Variants in GHR observed in about 807,000 individuals in gnomAD.
The protein encoded by GHR is growth hormone receptor.
A neutral mutation model predicts 67.1 loss-of-function variants in GHR; 35 were observed. That is an observed-to-expected ratio of 0.52 (90% CI 0.40 to 0.69). The LOEUF is 0.69. GHR is among the 30% of genes least tolerant of loss of function. GHR has a pLI of 0.00. For synonymous variants in GHR, 272 were observed against 269.1 expected, an observed-to-expected ratio of 1.01 and a Z score of -0.10; for missense variants, 792 against 764.6, an observed-to-expected ratio of 1.04 and a Z score of -0.42.
chr5:42,718,810 C>T lies in GHR; in HGVS notation c.1303C>T (p.Pro435Ser). Residue 435 changes from proline to serine, a missense_variant, in exon 10 of 10, where the codon CCT (proline) becomes TCT (serine). Coordinates refer to ENST00000230882, the MANE Select transcript of GHR (RefSeq NM_000163.5). ...CLDQKNQNNS[P>S]YHDACPATQQ... Reference sequence around the variant, plus strand: ...TGACCAGAAGAATCAAAATAACTCACCTTATCATGATGCTTGCCCTGCTAC... The same window carrying T: ...TGACCAGAAGAATCAAAATAACTCATCTTATCATGATGCTTGCCCTGCTAC... 1 of 1,614,090 alleles carries T rather than the reference C, an allele frequency of 6.2e-7. No homozygotes were observed. The highest frequency in any genetic ancestry group is 1.6e-4 in the Middle Eastern group (1 of 6,062).
rs369488203 is a variant in GHR, at chr5:42,441,596, GCCT to G, written c.-12+17645_-12+17647del. Among the ~76,000 whole-genome samples the G allele has an allele frequency of 7.2e-5, 11 of 151,804 alleles. No individual in the cohort carries two copies. The South Asian group carries it at 2.3e-3, about 32-fold the overall frequency. Reference sequence around the variant, plus strand: ...ACGATCTTGGCTCACTGCAAGCTCCGCCTCCTGGGTTCACGCCATTCTCCTGCC... The same window carrying G: ...ACGATCTTGGCTCACTGCAAGCTCCGCCTGGGTTCACGCCATTCTCCTGCC... On this transcript the variant is annotated intron_variant, in intron 1 of 9. Coordinates refer to ENST00000230882, the MANE Select transcript of GHR (RefSeq NM_000163.5).
At chr5:42,638,445 A>G (rs573209002) in intron 3 of GHR, among the ~76,000 whole-genome samples, 3 of 152,282 alleles carry the variant, frequency 2.0e-5, no homozygotes, top group Admixed American at 1.3e-4. Context: ...TCATTGTGTA[A>G]ACATGAAGTG....
chr5:42,591,705 G>A lies in GHR; in HGVS notation c.70+25761G>A, dbSNP rs557036921. On this transcript the variant is annotated intron_variant, in intron 2 of 9. Transcript: ENST00000230882. ...ACTTGTCCACTGTCCTTGCTACCAG[G>A]GAATCCCTCTGCAGCCCCCTTACCC... Among the ~76,000 whole-genome samples the A allele has an allele frequency of 5.9e-4, 89 of 152,088 alleles. 1 individual carries two copies. The highest frequency in any genetic ancestry group is 1.9e-3 in the African/African-American group (80 of 41,494).
Position 42,464,931 on chromosome 5 carries a change from G to C in GHR, c.-12+40976G>C, listed in dbSNP as rs564994306. On this transcript the variant is annotated intron_variant, in intron 1 of 9. Transcript: ENST00000230882. ...ATTAAACTGTTTAAATGGTGCACTG[G>C]AATATATTTATTTTGGGGCAAATCA... 6.6e-5 allele frequency among the ~76,000 whole-genome samples: 10 copies of C among 152,278 alleles called. No homozygotes were observed. The East Asian group carries it at 1.9e-3, about 29-fold the overall frequency.
At chr5:42,467,723 G>A (rs1744798810) in intron 1 of GHR, 33 of 1,567,500 alleles carry the variant, frequency 2.1e-5, no homozygotes, top group Non-Finnish European at 2.7e-5. Flanking sequence ...CATTCAAAAG[G>A]TTTCTCCCCG....
intron 3 of GHR, among the ~76,000 whole-genome samples, chr5:42,666,822 T>G (rs970233245): frequency 2.0e-5 from 3 of 152,188 alleles, no homozygotes; most frequent in Non-Finnish European, 4.4e-5. Flanking sequence ...GTTGTGTCTC[T>G]CTAAATCGCA....
At chr5:42,441,548 C>T (rs1743572804) in intron 1 of GHR, among the ~76,000 whole-genome samples, 1 of 151,272 alleles carries the variant, frequency 6.6e-6, no homozygotes, top group Admixed American at 6.6e-5. Flanking sequence ...CTCGCCATGT[C>T]GCCCAGGCTG....
At chr5:42,711,038 A>T (rs1758429829) in intron 6 of GHR, among the ~76,000 whole-genome samples, 169 bp from the exon 7 acceptor site, 1 of 152,210 alleles carries the variant, frequency 6.6e-6, no homozygotes, top group Admixed American at 6.5e-5. Flanking sequence ...TTACAAAATG[A>T]TTATTTACAT....
At chr5:42,443,765 C>G (rs1266143807) in intron 1 of GHR, among the ~76,000 whole-genome samples, 2 of 152,086 alleles carry the variant, frequency 1.3e-5, no homozygotes, top group African/African-American at 4.8e-5. Flanking sequence ...TGCAGAATTT[C>G]CCTTTGCTTG....
intron 2 of GHR, 48 bp downstream of exon 2, chr5:42,565,992 TG>T (rs768651333): frequency 7.9e-5 from 127 of 1,604,502 alleles, no homozygotes; most frequent in Non-Finnish European, 1.1e-4. Context: ...GAAACAACAC[TG>T]AACTGTATTC....
At chr5:42,502,392 A>C (rs1208469193) in intron 1 of GHR, among the ~76,000 whole-genome samples, 1 of 152,244 alleles carries the variant, frequency 6.6e-6, no homozygotes, top group Non-Finnish European at 1.5e-5. Flanking sequence ...GATACCCTCT[A>C]TGTGCCTTCT....
intron 2 of GHR, among the ~76,000 whole-genome samples, chr5:42,596,680 A>G (rs899837631): frequency 1.3e-5 from 2 of 152,192 alleles, no homozygotes; most frequent in African/African-American, 4.8e-5. Flanking sequence ...AGGTAGTATC[A>G]GCTCCTCTCC....
At chr5:42,586,665 C>T (rs968086641) in intron 2 of GHR, among the ~76,000 whole-genome samples, 2 of 152,194 alleles carry the variant, frequency 1.3e-5, no homozygotes, top group African/African-American at 4.8e-5. Context: ...AATCCAAAAG[C>T]AGAGTGAAGC....
At chr5:42,638,993 G>T (rs889181650) in intron 3 of GHR, among the ~76,000 whole-genome samples, 2 of 152,146 alleles carry the variant, frequency 1.3e-5, no homozygotes, top group Admixed American at 1.3e-4. Flanking sequence ...TGTGGCTCAC[G>T]ACTGTAATAG....
rs537083736 is a variant in GHR, at chr5:42,611,307, C to T, written c.71-17731C>T. Among the ~76,000 whole-genome samples the T allele has an allele frequency of 7.2e-5, 11 of 152,150 alleles. No homozygotes were observed. In the South Asian group the frequency reaches 2.1e-3, roughly 29 times the overall value. On this transcript the variant is annotated intron_variant, in intron 2 of 9. Coordinates refer to ENST00000230882, the MANE Select transcript of GHR (RefSeq NM_000163.5). The stretch of plus-strand genomic sequence containing the variant: ...AAATTTTAAGTCCAAATTTCCTTAG[C>T]CTGAAGTTTAGAGTCTTCCACAGTC...
intron 2 of GHR, among the ~76,000 whole-genome samples, chr5:42,622,898 C>A (rs1387144341): frequency 2.0e-5 from 3 of 152,104 alleles, no homozygotes; most frequent in African/African-American, 7.2e-5. Flanking sequence ...AGAACAGAAC[C>A]CACTGCCTAC....
At chr5:42,548,362 A>G in intron 1 of GHR, 1 of 985,214 alleles carries the variant, frequency 1.0e-6, no homozygotes, top group Non-Finnish European at 1.2e-6. Flanking sequence ...GTGGGATCCC[A>G]CCTCCAACCC....
intron 3 of GHR, among the ~76,000 whole-genome samples, chr5:42,654,551 C>T (rs992270277): frequency 1.3e-5 from 2 of 152,066 alleles, no homozygotes; most frequent in African/African-American, 4.8e-5. Flanking sequence ...CTCTAATTAC[C>T]TTAGGCCAAT....
intron 2 of GHR, among the ~76,000 whole-genome samples, chr5:42,580,411 T>C (rs1201761264): frequency 1.3e-5 from 2 of 152,080 alleles, no homozygotes; most frequent in East Asian, 3.9e-4. Flanking sequence ...TAATAAATTA[T>C]CTAGTATTTT....
Sources: gnomAD v4.1 joint callset for allele counts (sites outside exome capture counted in the v4.1 genomes callset) on GRCh38, gnomAD v4.1.1 for gene constraint, MANE v1.5 for transcripts, NCBI Gene and HGNC (gene_info 2026-07-23, HGNC 2026-07-21) for gene names.